The following MCF2L2 variants were observed in gnomAD, a reference collection of about 807,000 sequenced individuals.
MCF2L2 encodes the protein MCF.2 cell line derived transforming sequence-like 2, also known as probable guanine nucleotide exchange factor MCF2L2.
Under a neutral mutation model 150.2 loss-of-function variants are expected in MCF2L2, and 102 were observed. The ratio of observed to expected loss-of-function variants is 0.68; its 90% CI spans 0.58 to 0.80. The LOEUF (loss-of-function observed/expected upper bound fraction) is 0.80. MCF2L2 is among the 30% of genes least tolerant of loss of function. The pLI, the probability that MCF2L2 is intolerant of heterozygous loss-of-function variation, is 0.00. For synonymous variants in MCF2L2, 465 were observed against 491.3 expected (o/e 0.95, Z 0.71); for missense variants, 1,256 against 1,372.8 (o/e 0.91, Z 1.34).
intron 22 of MCF2L2, 103 bp from the exon 23 acceptor site, chr3:183,207,926 G>T: frequency 1.2e-6 from 1 of 868,828 alleles, no homozygotes. Context: ...GCTTCTTTGA[G>T]GTTTACAATT....
At chr3:183,192,300 G>A (rs1229200625) in intron 27 of MCF2L2, among the ~76,000 whole-genome samples, 3 of 151,846 alleles carry the variant, frequency 2.0e-5, no homozygotes, top group Admixed American at 6.6e-5. Context: ...CACCACGCCC[G>A]GCTGATTTTT....
At chr3:183,426,424 A>G (rs548486805) in intron 1 of MCF2L2, among the ~76,000 whole-genome samples, 1 of 152,214 alleles carries the variant, frequency 6.6e-6, no homozygotes, top group Non-Finnish European at 1.5e-5. Context: ...CTAATAACTG[A>G]AATGTCTGTA....
chr3:183,263,688 C>T (rs1011908294), intron 15 of MCF2L2, among the ~76,000 whole-genome samples: 5 of 152,252 alleles, frequency 3.3e-5, no homozygotes, highest in African/African-American at 9.6e-5. Context: ...GATTATTACC[C>T]CCTGGACATC....
intron 1 of MCF2L2, among the ~76,000 whole-genome samples, chr3:183,424,609 C>T (rs1172868148): frequency 5.3e-5 from 8 of 152,084 alleles, no homozygotes; most frequent in Non-Finnish European, 8.8e-5. Context: ...GTTAAACAAG[C>T]GCACGAATAA....
At chr3:183,323,622 T>C (rs1389203592) in intron 5 of MCF2L2, among the ~76,000 whole-genome samples, 1 of 149,978 alleles carries the variant, frequency 6.7e-6, no homozygotes, top group Admixed American at 6.7e-5. Context: ...CAAGACCCCA[T>C]CACTAGAAAA....
At chr3:183,294,868 T>C (rs1257338260) in intron 13 of MCF2L2, among the ~76,000 whole-genome samples, 1 of 152,094 alleles carries the variant, frequency 6.6e-6, no homozygotes, top group Non-Finnish European at 1.5e-5. Flanking sequence ...GACCTCGTGA[T>C]CTGCCCGCCT....
intron 3 of MCF2L2, among the ~76,000 whole-genome samples, chr3:183,366,964 T>C (rs73884681): frequency 0.11 from 16,233 of 152,162 alleles, 968 homozygotes; most frequent in East Asian, 0.25. Flanking sequence ...CAATTAGAAA[T>C]GCCAGGTGAA....
rs1714579075 is a variant in MCF2L2, at chr3:183,398,483, TCTAA to T, written c.77-8708_77-8705del. On this transcript the variant is annotated intron_variant, in intron 1 of 29. Coordinates refer to ENST00000328913, the MANE Select transcript of MCF2L2 (RefSeq NM_015078.4). ...TGTTTGTTACAGCAGCTGGCGCTAC[TCTAA>T]CTTAGAGGAATTCATTTTATAATAT... Among the ~76,000 whole-genome samples, 6 of 151,876 alleles carry T rather than the reference TCTAA, an allele frequency of 4.0e-5. No individual in the cohort carries two copies. In the South Asian group the frequency reaches 1.2e-3, roughly 31 times the overall value.
chr3:183,427,876 G>T (rs751933655), intron 1 of MCF2L2, 26 bp downstream of exon 1: 1 of 1,604,962 alleles, frequency 6.2e-7, no homozygotes, highest in South Asian at 1.1e-5. Flanking sequence ...TTAATAAAAC[G>T]CAGGAAAAAT....
intron 10 of MCF2L2, among the ~76,000 whole-genome samples, chr3:183,307,559 A>G (rs1729157813): frequency 6.6e-6 from 1 of 152,230 alleles, no homozygotes; most frequent in Non-Finnish European, 1.5e-5. Context: ...GTTGCCCACG[A>G]AAGGTGGGTC....
intron 3 of MCF2L2, among the ~76,000 whole-genome samples, chr3:183,353,038 T>C (rs1711565803): frequency 1.3e-5 from 2 of 152,188 alleles, no homozygotes; most frequent in Admixed American, 1.3e-4. Context: ...ATGAAACAGA[T>C]TGTCCATGAG....
intron 11 of MCF2L2, 91 bp downstream of exon 11, chr3:183,299,914 G>T: frequency 7.3e-7 from 1 of 1,368,248 alleles, no homozygotes; most frequent in Non-Finnish European, 1.0e-6. Flanking sequence ...AAGCCTCTCA[G>T]CAATCACACA....
At chr3:183,210,839 G>T (rs1293849908) in intron 22 of MCF2L2, among the ~76,000 whole-genome samples, 2 of 152,156 alleles carry the variant, frequency 1.3e-5, no homozygotes, top group East Asian at 1.9e-4. Flanking sequence ...CAGCCATGCT[G>T]CTGCACCTTC....
chr3:183,411,269 G>A (rs1464480968), intron 1 of MCF2L2, among the ~76,000 whole-genome samples: 1 of 152,088 alleles, frequency 6.6e-6, no homozygotes, highest in Non-Finnish European at 1.5e-5. Context: ...TGAAATAAGT[G>A]CTTTAATTTC....
intron 15 of MCF2L2, among the ~76,000 whole-genome samples, chr3:183,275,045 T>G (rs1236070431): frequency 6.6e-6 from 1 of 152,154 alleles, no homozygotes; most frequent in East Asian, 1.9e-4. Context: ...TGGTTTCCCT[T>G]GCCAAGAGCA....
At chr3:183,290,901 T>A (rs1241438607) in intron 13 of MCF2L2, among the ~76,000 whole-genome samples, 1 of 152,176 alleles carries the variant, frequency 6.6e-6, no homozygotes, top group African/African-American at 2.4e-5. Flanking sequence ...TCACCCTGAT[T>A]CTTAGCTATG....
At chr3:183,290,532 TC>T (rs1431312017) in intron 13 of MCF2L2, among the ~76,000 whole-genome samples, 3 of 151,462 alleles carry the variant, frequency 2.0e-5, no homozygotes, top group African/African-American at 7.3e-5. Flanking sequence ...AGCATTTCTT[TC>T]TTTCTTTCTT....
rs1722905374 is a variant in MCF2L2, at chr3:183,216,230, G to T, written c.2371-136C>A. On this transcript the variant is annotated intron_variant, in intron 21 of 29. Coordinates refer to ENST00000328913, the MANE Select transcript of MCF2L2 (RefSeq NM_015078.4). ...AGGGTGGATATTGATCTGTCTCCCT[G>T]CTCCCAAAGCATGGTGGCTAAAGAT... The T allele has an allele frequency of 1.1e-5, 10 of 937,062 alleles. No individual in the cohort carries two copies. The South Asian group carries it at 1.5e-4, about 14-fold the overall frequency. The allele number at this position is 937,062 out of a possible 1,614,324, so 58.0% of individuals were successfully genotyped here.
intron 2 of MCF2L2, among the ~76,000 whole-genome samples, chr3:183,380,774 G>A (rs1219104717): frequency 6.6e-6 from 1 of 152,110 alleles, no homozygotes; most frequent in Non-Finnish European, 1.5e-5. Context: ...ATAAAGCTGG[G>A]GGTTTGGTAC....
Sources: gnomAD v4.1 joint callset for allele counts (sites outside exome capture counted in the v4.1 genomes callset) on GRCh38, gnomAD v4.1.1 for gene constraint, MANE v1.5 for transcripts, NCBI Gene and HGNC (gene_info 2026-07-23, HGNC 2026-07-21) for gene names.